CYP4F22: variants seen among roughly 807,000 people sequenced by gnomAD.
CYP4F22 encodes the protein ultra-long-chain fatty acid omega-hydroxylase.
In CYP4F22, 37 loss-of-function variants were observed where a neutral mutation model predicts 60.4. The ratio of observed to expected loss-of-function variants is 0.61; its 90% confidence interval spans 0.47 to 0.81. The LOEUF (loss-of-function observed/expected upper bound fraction) is 0.81. Among genes scored for constraint, CYP4F22 ranks in the 30% least tolerant of loss-of-function variants. The pLI is 0.00. For missense variants in CYP4F22, 655 were observed against 715.0 expected (o/e 0.92, Z 0.96); for synonymous variants, 258 against 280.5 (o/e 0.92, Z 0.80).
chr19:15,522,132 C>T (rs1035933510), intron 1 of CYP4F22, among the ~76,000 whole-genome samples: 12 of 135,822 alleles, frequency 8.8e-5, no homozygotes, highest in Non-Finnish European at 1.5e-4. Flanking sequence ...GCAACAAAAG[C>T]GAAACTTTGT....
In CYP4F22 at chr19:15,529,745, A is replaced by C; in HGVS notation, c.259A>C (p.Lys87Gln). 1.2e-6 allele frequency: 2 copies of C among 1,614,106 alleles called. No homozygotes were observed. Among genetic ancestry groups the C allele is most frequent in the Non-Finnish European group, 8.5e-7 (1 of 1,180,028 alleles). The change falls in exon 4 of 14, where the codon AAG becomes CAG. Residue 87 changes from lysine (K) to glutamine (Q), a missense_variant. By Grantham distance (53) the Lys-to-Gln change is moderately conservative. This residue lies in a region of CYP4F22 where 430 missense variants were observed against 457.1 expected (regional missense o/e 0.94). Coordinates refer to ENST00000269703, the MANE Select transcript of CYP4F22 (RefSeq NM_173483.4). ...TGAGGCGGGCCTTCAAGATGAGAAG[A>C]AGGTACTGGACAACATGCACCATGT... The part of the protein sequence containing the change: ...PNEAGLQDEK[K>Q]VLDNMHHVLL...
intron 1 of CYP4F22, among the ~76,000 whole-genome samples, chr19:15,515,171 C>T (rs1246038795): frequency 6.6e-6 from 1 of 152,206 alleles, no homozygotes; most frequent in Admixed American, 6.5e-5. Context: ...CAGCACAGTC[C>T]AGCCCGGCCA....
rs758198588 is a variant in CYP4F22, at chr19:15,548,246, C to T, written c.1270+5C>T. Reference sequence around the variant, plus strand: ...ATGGGCGCATCATCCCCAAAGGTGCCTACCATGTTCCGCCTGCTGCTGGTG... The same window carrying T: ...ATGGGCGCATCATCCCCAAAGGTGCTTACCATGTTCCGCCTGCTGCTGGTG... On this transcript the variant is annotated splice_donor_5th_base_variant and intron_variant, in intron 11 of 13. Coordinates refer to ENST00000269703, the MANE Select transcript of CYP4F22 (RefSeq NM_173483.4). 60 of 1,614,036 alleles carry T rather than the reference C, an allele frequency of 3.7e-5. No homozygotes were observed. The highest frequency in any genetic ancestry group is 5.1e-5 in the Non-Finnish European group (60 of 1,180,026).
At chr19:15,545,481 C>T (rs1414189685) in intron 10 of CYP4F22, among the ~76,000 whole-genome samples, 1 of 151,278 alleles carries the variant, frequency 6.6e-6, no homozygotes, top group Non-Finnish European at 1.5e-5. Context: ...AACCCTGTCT[C>T]TACAAAAAAA....
chr19:15,528,243 G>C (rs992256106), intron 3 of CYP4F22, among the ~76,000 whole-genome samples: 2 of 152,076 alleles, frequency 1.3e-5, no homozygotes, highest in African/African-American at 2.4e-5. Flanking sequence ...GCTTGAGCCC[G>C]GGAGTTTGAG....
At chr19:15,533,195 T>A (rs747870755) in intron 4 of CYP4F22, among the ~76,000 whole-genome samples, 1 of 152,244 alleles carries the variant, frequency 6.6e-6, no homozygotes, top group Non-Finnish European at 1.5e-5. Flanking sequence ...ATAGAGAACA[T>A]GATGATATAT....
chr19:15,537,414 G>C lies in CYP4F22; in HGVS notation c.421G>C (p.Gly141Arg). ...LFYGFLKPWL[G>R]DGLLLSKGDK... ...CTATGGCTTCCTAAAACCTTGGCTA[G>C]GTGAGTGCCCAGTGGGTAGGCTGGG... The change falls in exon 5 of 14, where the codon GGG becomes CGG. Residue 141 changes from glycine to arginine, a missense_variant and splice_region_variant. Gly to Arg is a moderately radical substitution (Grantham distance 125, BLOSUM62 -2). Around this residue, in one of 3 missense-constraint regions of CYP4F22, gnomAD observed 430 missense variants for 457.1 expected, o/e 0.94. Transcript: ENST00000269703. 1 of 1,614,206 alleles carries C rather than the reference G, an allele frequency of 6.2e-7. No homozygotes were observed. The highest frequency in any genetic ancestry group is 8.5e-7 in the Non-Finnish European group (1 of 1,180,020).
Position 15,537,414 on chromosome 19 carries a change from G to A in CYP4F22, c.421G>A (p.Gly141Arg). ...LFYGFLKPWL[G>R]DGLLLSKGDK... ...CTATGGCTTCCTAAAACCTTGGCTA[G>A]GTGAGTGCCCAGTGGGTAGGCTGGG... Residue 141 changes from glycine to arginine, a missense_variant and splice_region_variant, in exon 5 of 14, where the codon GGG becomes AGG. Physicochemically the swap from Gly to Arg is moderately radical, Grantham distance 125. This residue lies in a region of CYP4F22 where 430 missense variants were observed against 457.1 expected (regional missense o/e 0.94). Coordinates refer to ENST00000269703, the MANE Select transcript of CYP4F22 (RefSeq NM_173483.4). 6.2e-7 allele frequency: 1 copy of A among 1,614,206 alleles called. No individual in the cohort carries two copies. The highest frequency in any genetic ancestry group is 1.1e-5 in the South Asian group (1 of 91,088).
At chr19:15,540,740 TGCTGGCCTCCCGAGG>T (rs775388925) in intron 8 of CYP4F22, 23 bp downstream of exon 8, 9 of 1,612,098 alleles carry the variant, frequency 5.6e-6, no homozygotes, top group Non-Finnish European at 7.6e-6. Flanking sequence ...CCCCTGGAAT[TGCTGGCCTCCCGAGG>T]GCTGGCCTCC....
intron 7 of CYP4F22, among the ~76,000 whole-genome samples, chr19:15,539,492 AC>A (rs1971434758): frequency 6.6e-6 from 1 of 152,244 alleles, no homozygotes; most frequent in African/African-American, 2.4e-5. Flanking sequence ...GCTGCTATTA[AC>A]ATTCATGCAC....
intron 8 of CYP4F22, among the ~76,000 whole-genome samples, chr19:15,542,500 G>A (rs1287970223): frequency 6.6e-6 from 1 of 152,308 alleles, no homozygotes; most frequent in African/African-American, 2.4e-5. Flanking sequence ...TTGCGCCACT[G>A]CACTCCAATC....
chr19:15,541,921 A>G (rs865968794), intron 8 of CYP4F22, among the ~76,000 whole-genome samples: 20 of 151,894 alleles, frequency 1.3e-4, no homozygotes, highest in Middle Eastern at 3.4e-3. Context: ...GAGATGAGAC[A>G]CTTCTATGGT....
chr19:15,538,155 C>CT (rs897589364), intron 7 of CYP4F22, among the ~76,000 whole-genome samples, 162 bp downstream of exon 7: 6 of 149,184 alleles, frequency 4.0e-5, no homozygotes, highest in South Asian at 2.1e-4. Context: ...CTGAGCTTCA[C>CT]TTTTTTTTTT....
At chr19:15,543,885 G>C in intron 8 of CYP4F22, 86 bp from the exon 9 acceptor site, 2 of 1,411,332 alleles carry the variant, frequency 1.4e-6, no homozygotes, top group Non-Finnish European at 2.0e-6. Context: ...AAAGATGGGG[G>C]CGGGGAGATA....
At chr19:15,526,456 G>A (rs995164477) in intron 3 of CYP4F22, among the ~76,000 whole-genome samples, 1 of 152,326 alleles carries the variant, frequency 6.6e-6, no homozygotes, top group Non-Finnish European at 1.5e-5. Context: ...AGCCTGCTGA[G>A]TCCTTTTTAA....
chr19:15,525,750 A>G (rs1249239317), intron 3 of CYP4F22, among the ~76,000 whole-genome samples, 192 bp downstream of exon 3: 4 of 152,156 alleles, frequency 2.6e-5, no homozygotes, highest in Non-Finnish European at 5.9e-5. Context: ...CACAGGTGGG[A>G]GGAGGCAGAA....
At chr19:15,525,953 G>C (rs907270052) in intron 3 of CYP4F22, among the ~76,000 whole-genome samples, 1 of 152,034 alleles carries the variant, frequency 6.6e-6, no homozygotes, top group African/African-American at 2.4e-5. Flanking sequence ...CTTGAGCTTA[G>C]GAGTTCGAGA....
At chr19:15,525,294 T>G (rs769373756) in intron 2 of CYP4F22, 42 bp from the exon 3 acceptor site, 2 of 1,592,114 alleles carry the variant, frequency 1.3e-6, no homozygotes, top group Non-Finnish European at 1.7e-6. Flanking sequence ...TGGGTCATCG[T>G]CTTGTGCATG....
At chr19:15,543,248 G>A (rs554384802) in intron 8 of CYP4F22, among the ~76,000 whole-genome samples, 124 of 152,214 alleles carry the variant, frequency 8.1e-4, no homozygotes, top group African/African-American at 2.8e-3. Flanking sequence ...CACACAGGCT[G>A]GGGTGCAGTG....
Sources: allele counts gnomAD v4.1 joint callset (sites outside exome capture counted in the v4.1 genomes callset), GRCh38; gene constraint gnomAD v4.1.1; regional missense constraint gnomAD v4.1.1; transcripts MANE v1.5; gene names NCBI Gene and HGNC (gene_info 2026-07-23, HGNC 2026-07-21).